Variants in DOCK1 observed in about 807,000 individuals in gnomAD.
DOCK1 encodes the protein dedicator of cytokinesis protein 1.
Under a neutral mutation model 262.7 loss-of-function variants are expected in DOCK1, and 138 were observed. The observed-to-expected ratio is 0.53, with a 90% confidence interval of 0.46 to 0.61. The LOEUF is 0.61. Ranked by LOEUF, DOCK1 falls within the 20% of genes least tolerant of loss-of-function variation. DOCK1 has a pLI of 0.00. For missense variants in DOCK1, 1,908 were observed against 2,370.7 expected (o/e 0.80, Z 4.05); for synonymous variants, 866 against 867.4 (o/e 1.00, Z 0.03).
At chr10:127,414,418 T>C (rs577487152) in intron 43 of DOCK1, among the ~76,000 whole-genome samples, 2 of 152,198 alleles carry the variant, frequency 1.3e-5, no homozygotes, top group South Asian at 2.1e-4. Flanking sequence ...CCTTAAAGAG[T>C]AGTAGAATTG....
chr10:127,432,986 C>G (rs1253750228), intron 47 of DOCK1, among the ~76,000 whole-genome samples: 1 of 152,248 alleles, frequency 6.6e-6, no homozygotes, highest in East Asian at 1.9e-4. Flanking sequence ...TCGGCACATT[C>G]TCCTGTGGCT....
intron 46 of DOCK1, among the ~76,000 whole-genome samples, chr10:127,421,251 C>T (rs989799246): frequency 2.6e-5 from 4 of 152,082 alleles, no homozygotes; most frequent in African/African-American, 9.7e-5. Context: ...CCAGCAGGGC[C>T]TCTTCTTAGT....
chr10:127,339,717 G>GTT (rs2063348003), intron 30 of DOCK1, among the ~76,000 whole-genome samples: 1 of 74,696 alleles, frequency 1.3e-5, no homozygotes, highest in African/African-American at 5.1e-5. Context: ...GTGTGTGTGT[G>GTT]TGTGTGTGTG....
At chr10:126,971,508 T>G (rs2038106963) in intron 2 of DOCK1, among the ~76,000 whole-genome samples, 1 of 152,050 alleles carries the variant, frequency 6.6e-6, no homozygotes, top group African/African-American at 2.4e-5. Flanking sequence ...CCTCCCCATC[T>G]TGGGCTCAAG....
chr10:127,167,955 G>C, intron 27 of DOCK1, among the ~76,000 whole-genome samples: 1 of 152,164 alleles, frequency 6.6e-6, no homozygotes, highest in Non-Finnish European at 1.5e-5. Context: ...AACCTCAAAG[G>C]TAGTAACTTA....
rs116645401 is a variant in DOCK1, at chr10:127,159,023, G to T, written c.2847+31259G>T. Among the ~76,000 whole-genome samples, 730 of 152,110 alleles carry T rather than the reference G, an allele frequency of 4.8e-3. 1 individual carries two copies. The highest frequency in any genetic ancestry group is 0.017 in the African/African-American group (701 of 41,488). On this transcript the variant is annotated intron_variant, in intron 27 of 51. Transcript: ENST00000623213. Reference sequence around the variant, plus strand: ...CTTGATGCCTTTTGAACACTCCTTGGTCAAGGTAGGCTTGCCTGTTAGAGG... The same window carrying T: ...CTTGATGCCTTTTGAACACTCCTTGTTCAAGGTAGGCTTGCCTGTTAGAGG...
At chr10:127,255,178 T>A (rs369610960) in intron 28 of DOCK1, among the ~76,000 whole-genome samples, 9 of 152,124 alleles carry the variant, frequency 5.9e-5, no homozygotes, top group African/African-American at 2.2e-4. Context: ...GGCAGGAGGA[T>A]TCCTTGAGCC....
chr10:127,213,863 G>A (rs1042856101), intron 27 of DOCK1, among the ~76,000 whole-genome samples: 1 of 151,856 alleles, frequency 6.6e-6, no homozygotes. Flanking sequence ...TTTTTAAGAC[G>A]GAGTCTTGCT....
intron 1 of DOCK1, among the ~76,000 whole-genome samples, chr10:126,968,472 A>G (rs957639610): frequency 8.5e-5 from 13 of 152,060 alleles, no homozygotes; most frequent in African/African-American, 2.9e-4. Context: ...TGAAGTTTCC[A>G]TATCCATGTA....
At chr10:127,363,034 C>CGT in intron 33 of DOCK1, among the ~76,000 whole-genome samples, 1 of 143,976 alleles carries the variant, frequency 6.9e-6, no homozygotes, top group African/African-American at 2.7e-5. Flanking sequence ...CACACATGCA[C>CGT]CTCCCCCCAC....
chr10:127,069,253 G>A lies in DOCK1; in HGVS notation c.2445+7477G>A, dbSNP rs145503490. 2.2e-4 allele frequency among the ~76,000 whole-genome samples: 34 copies of A among 152,186 alleles called. 1 individual carries two copies. The highest frequency in any genetic ancestry group is 1.9e-4 in the East Asian group (1 of 5,184). On this transcript the variant is annotated intron_variant, in intron 23 of 51. Coordinates refer to ENST00000623213, the MANE Select transcript of DOCK1 (RefSeq NM_001290223.2). ...ATGCAGCTGCCATGGTGGATGAGTC[G>A]GGAGCCACTTCCCTCTCTCAGAAGC... is the stretch of plus-strand genomic sequence containing the variant.
chr10:127,233,874 A>T (rs2058946335), intron 27 of DOCK1, among the ~76,000 whole-genome samples: 1 of 152,172 alleles, frequency 6.6e-6, no homozygotes, highest in African/African-American at 2.4e-5. Context: ...CAGCATCCAT[A>T]CGATGTGATT....
intron 27 of DOCK1, among the ~76,000 whole-genome samples, chr10:127,128,862 A>G (rs2133116419): frequency 6.6e-6 from 1 of 152,336 alleles, no homozygotes; most frequent in East Asian, 1.9e-4. Context: ...CATCAAAGAT[A>G]GACTGGATAA....
rs1224172541 is a variant in DOCK1, at chr10:127,286,494, ATACTAT to A, written c.3044+29074_3044+29079del. 3.3e-5 allele frequency among the ~76,000 whole-genome samples: 5 copies of A among 152,308 alleles called. No homozygotes were observed. In the East Asian group the frequency reaches 9.7e-4, roughly 29 times the overall value. On this transcript the variant is annotated intron_variant, in intron 29 of 51. Coordinates refer to ENST00000623213, the MANE Select transcript of DOCK1 (RefSeq NM_001290223.2). ...CATGTACAGAAGTAGAATAGTAGTT[ATACTAT>A]TACTATTATATTATGTAGTATATAC...
At chr10:127,285,339 A>G (rs1023563222) in intron 29 of DOCK1, among the ~76,000 whole-genome samples, 1 of 152,232 alleles carries the variant, frequency 6.6e-6, no homozygotes, top group African/African-American at 2.4e-5. Flanking sequence ...TTTTGGTGCC[A>G]GATTTCATAC....
chr10:127,182,377 G>A (rs564522183), intron 27 of DOCK1, among the ~76,000 whole-genome samples: 5 of 152,250 alleles, frequency 3.3e-5, no homozygotes, highest in Admixed American at 1.3e-4. Context: ...GGCCTACTTC[G>A]GGGAGTGAGA....
At chr10:127,200,646 C>T (rs1003765616) in intron 27 of DOCK1, among the ~76,000 whole-genome samples, 3 of 152,176 alleles carry the variant, frequency 2.0e-5, no homozygotes, top group Admixed American at 6.5e-5. Context: ...TCAGGCAATC[C>T]ACCCATCTCA....
chr10:127,195,565 G>A (rs1003457343), intron 27 of DOCK1, among the ~76,000 whole-genome samples: 3 of 151,822 alleles, frequency 2.0e-5, no homozygotes, highest in African/African-American at 7.3e-5. Flanking sequence ...ACTTTCCAGG[G>A]CGCTTTAGTT....
chr10:127,445,090 G>C (rs2070449838), intron 50 of DOCK1, among the ~76,000 whole-genome samples: 1 of 152,148 alleles, frequency 6.6e-6, no homozygotes, highest in Non-Finnish European at 1.5e-5. Context: ...CTGAGGTTCT[G>C]GGTGGCCCTA....
Sources: gnomAD v4.1 joint callset for allele counts (sites outside exome capture counted in the v4.1 genomes callset) on GRCh38, gnomAD v4.1.1 for gene constraint, MANE v1.5 for transcripts, NCBI Gene and HGNC (gene_info 2026-07-23, HGNC 2026-07-21) for gene names.